The following CDH13 variants were observed in gnomAD, a reference collection of about 807,000 sequenced individuals.
CDH13 encodes cadherin-13.
A neutral mutation model predicts 63.8 loss-of-function variants in CDH13; 24 were observed. The ratio of observed to expected loss-of-function variants is 0.38; its 90% CI spans 0.27 to 0.53. CDH13 has a LOEUF of 0.53. Among genes scored for constraint, CDH13 ranks in the 20% least tolerant of loss-of-function variants. CDH13 has a pLI of 0.85. For missense variants in CDH13, 1,049 were observed against 903.1 expected, an observed-to-expected ratio of 1.16 and a Z score of -2.07; for synonymous variants, 503 against 355.3, an observed-to-expected ratio of 1.42 and a Z score of -4.67.
At chr16:83,384,926 A>G (rs1458162168) in intron 6 of CDH13, among the ~76,000 whole-genome samples, 1 of 152,238 alleles carries the variant, frequency 6.6e-6, no homozygotes, top group African/African-American at 2.4e-5. Flanking sequence ...TGTACATAGT[A>G]TATGCTCAGT....
At chr16:82,808,435 C>G (rs1295609178) in intron 1 of CDH13, among the ~76,000 whole-genome samples, 1 of 152,038 alleles carries the variant, frequency 6.6e-6, no homozygotes, top group Non-Finnish European at 1.5e-5. Flanking sequence ...TTCCACAATG[C>G]TTTCAGAGCT....
Position 83,015,671 on chromosome 16 carries a change from G to GTGTGTA in CDH13, c.158-16336_158-16335insGTATGT, listed in dbSNP as rs71146102. ...TTGCAGCATATATGTGTGTGTGTGTGTGTATGTATATATATATATATATAT... is the reference window on the plus strand; with the variant it reads ...TTGCAGCATATATGTGTGTGTGTGTGTGTGTATGTATGTATATATATATATATATAT... On this transcript the variant is annotated intron_variant, in intron 2 of 13. Transcript: ENST00000567109. Among the ~76,000 whole-genome samples, 66 of 54,884 alleles carry GTGTGTA rather than the reference G, an allele frequency of 1.2e-3. 2 individuals carry two copies. The highest frequency in any genetic ancestry group is 3.6e-3 in the African/African-American group (59 of 16,578). The allele number at this position is 54,884 out of a possible 152,430, so 36.0% of individuals were successfully genotyped here.
intron 10 of CDH13, among the ~76,000 whole-genome samples, chr16:83,713,509 C>CAA (rs368960124): frequency 0.14 from 19,177 of 140,840 alleles, 1,401 homozygotes; most frequent in Middle Eastern, 0.27. Context: ...TTCTCGTCAC[C>CAA]AAAAAAAAAA....
intron 7 of CDH13, among the ~76,000 whole-genome samples, chr16:83,539,885 C>G (rs2075267626): frequency 6.6e-6 from 1 of 152,134 alleles, no homozygotes; most frequent in Non-Finnish European, 1.5e-5. Flanking sequence ...AACTGGGCAT[C>G]ATCTATTAGG....
chr16:82,836,397 G>A (rs2061627), intron 1 of CDH13, among the ~76,000 whole-genome samples: 47,076 of 151,946 alleles, frequency 0.31, 8,587 homozygotes, highest in East Asian at 0.8. Flanking sequence ...TGATCCACCC[G>A]CCTTGGCCTC....
intron 1 of CDH13, among the ~76,000 whole-genome samples, chr16:82,795,716 A>C (rs1172618209): frequency 6.6e-6 from 1 of 152,094 alleles, no homozygotes; most frequent in Non-Finnish European, 1.5e-5. Flanking sequence ...CCAGTTCCTA[A>C]TCCAGCTCAC....
intron 5 of CDH13, among the ~76,000 whole-genome samples, chr16:83,227,579 C>T (rs1219430233): frequency 6.6e-6 from 1 of 152,160 alleles, no homozygotes; most frequent in East Asian, 1.9e-4. Context: ...CTGGCCTGCC[C>T]ACTGCTTCCT....
rs112561016 is a variant in CDH13 at position 83,661,279 on chromosome 16, G to A, written c.1102-9511G>A. Among the ~76,000 whole-genome samples, 332 of 152,140 alleles carry A rather than the reference G, an allele frequency of 2.2e-3. 2 individuals are homozygous for A. Among genetic ancestry groups the A allele is most frequent in the African/African-American group, 7.4e-3 (306 of 41,504 alleles). ...AGACAGGAGGATCACTTGAGCCCAG[G>A]CATTCGAGGCCAGCCTGAGCAGTAT... On this transcript the variant is annotated intron_variant, in intron 8 of 13. Transcript: ENST00000567109.
intron 3 of CDH13, among the ~76,000 whole-genome samples, chr16:83,099,160 A>G (rs1212653651): frequency 2.0e-5 from 3 of 152,140 alleles, no homozygotes; most frequent in Admixed American, 1.3e-4. Flanking sequence ...ATTCTAACAT[A>G]TTTAATATGT....
At chr16:83,035,220 G>A (rs772649081) in intron 3 of CDH13, among the ~76,000 whole-genome samples, 1 of 152,142 alleles carries the variant, frequency 6.6e-6, no homozygotes, top group Non-Finnish European at 1.5e-5. Flanking sequence ...CAGCCAAGTG[G>A]GCCAGCTGCT....
intron 5 of CDH13, among the ~76,000 whole-genome samples, chr16:83,235,759 C>T (rs955559701): frequency 3.9e-5 from 6 of 152,176 alleles, no homozygotes; most frequent in South Asian, 4.1e-4. Flanking sequence ...TTCAACTATA[C>T]GGCACACTTA....
intron 2 of CDH13, among the ~76,000 whole-genome samples, chr16:82,967,406 G>C (rs1216251621): frequency 1.3e-5 from 2 of 152,158 alleles, no homozygotes; most frequent in Non-Finnish European, 2.9e-5. Flanking sequence ...TATGCTCCCT[G>C]GGGACTGAGC....
chr16:83,104,583 G>A (rs74033154), intron 3 of CDH13, among the ~76,000 whole-genome samples: 3 of 151,778 alleles, frequency 2.0e-5, no homozygotes, highest in Admixed American at 1.3e-4. Context: ...CTTGAGGTTT[G>A]GGGAAGGCTT....
chr16:83,196,087 C>G (rs2038870897), intron 4 of CDH13, among the ~76,000 whole-genome samples: 1 of 152,092 alleles, frequency 6.6e-6, no homozygotes, highest in Admixed American at 6.5e-5. Context: ...GAAACCGCGT[C>G]TCTACTAAAA....
intron 2 of CDH13, among the ~76,000 whole-genome samples, chr16:82,864,192 T>C (rs1567611813): frequency 6.6e-6 from 1 of 152,208 alleles, no homozygotes; most frequent in Non-Finnish European, 1.5e-5. Flanking sequence ...TTTCTGAAGT[T>C]TTAATATGTC....
chr16:82,866,652 C>A (rs1337001052), intron 2 of CDH13, among the ~76,000 whole-genome samples: 3 of 151,978 alleles, frequency 2.0e-5, no homozygotes, highest in African/African-American at 7.3e-5. Flanking sequence ...CTGCCTGAGA[C>A]TGGGTAGTTT....
At chr16:83,535,798 G>T (rs1424238436) in intron 7 of CDH13, among the ~76,000 whole-genome samples, 1 of 142,188 alleles carries the variant, frequency 7.0e-6, no homozygotes, top group Non-Finnish European at 1.5e-5. Flanking sequence ...GAAGTATTTG[G>T]AGCAGCAAGC....
In CDH13 at chr16:83,571,887, CACAGAACTTAGCAG is replaced by C. The variant is rs371308866; in HGVS notation, c.961-30566_961-30553del. On this transcript the variant is annotated intron_variant, in intron 7 of 13. Transcript: ENST00000567109. ...CCTCACATGAAACGTGCACTCCGGC[CACAGAACTTAGCAG>C]TCGCTCTGCATGGGGACAGATCCTG... Among the ~76,000 whole-genome samples the C allele has an allele frequency of 3.7e-3, 556 of 152,244 alleles. 4 individuals carry two copies. The highest frequency in any genetic ancestry group is 0.013 in the African/African-American group (522 of 41,544).
At chr16:83,726,894 T>C (rs1474917358) in intron 10 of CDH13, among the ~76,000 whole-genome samples, 1 of 152,064 alleles carries the variant, frequency 6.6e-6, no homozygotes, top group Admixed American at 6.5e-5. Flanking sequence ...AAGAGTATTC[T>C]GAAGACTATC....
Sources: gnomAD v4.1 joint callset for allele counts (sites outside exome capture counted in the v4.1 genomes callset) on GRCh38, gnomAD v4.1.1 for gene constraint, MANE v1.5 for transcripts, NCBI Gene and HGNC (gene_info 2026-07-23, HGNC 2026-07-21) for gene names.